ITGB8: variants seen among roughly 807,000 people sequenced by gnomAD.
ITGB8 encodes integrin beta-8.
ITGB8 carries 30 observed loss-of-function variants against 89.5 expected under a neutral mutation model. That is an observed-to-expected ratio of 0.34 (90% CI 0.25 to 0.45). ITGB8 has a LOEUF of 0.45. ITGB8 is among the 20% of genes least tolerant of loss of function. The probability of loss-of-function intolerance (pLI) is 1.00; values close to 1 mark genes in which losing one functional copy is unlikely to be tolerated. For missense variants in ITGB8, 836 were observed against 933.3 expected, an observed-to-expected ratio of 0.90 and a Z score of 1.36; for synonymous variants, 335 against 320.4, an observed-to-expected ratio of 1.05 and a Z score of -0.49.
intron 9 of ITGB8, among the ~76,000 whole-genome samples, chr7:20,400,673 G>A (rs1431727724): frequency 6.6e-6 from 1 of 152,114 alleles, no homozygotes; most frequent in East Asian, 1.9e-4. Flanking sequence ...ATTGTGTTGT[G>A]CAAAAAGAAG....
chr7:20,395,272 A>G (rs1787023858), intron 8 of ITGB8, among the ~76,000 whole-genome samples: 2 of 152,358 alleles, frequency 1.3e-5, no homozygotes, highest in South Asian at 4.1e-4. Flanking sequence ...TCATCAAGTC[A>G]TAGCTATAGA....
At chr7:20,337,427 T>C (rs1354285886) in intron 1 of ITGB8, among the ~76,000 whole-genome samples, 1 of 152,206 alleles carries the variant, frequency 6.6e-6, no homozygotes, top group Non-Finnish European at 1.5e-5. Context: ...ACAGGCACTA[T>C]ACTGAGTTCT....
chr7:20,362,616 A>G (rs1358400984), intron 1 of ITGB8, among the ~76,000 whole-genome samples: 1 of 152,136 alleles, frequency 6.6e-6, no homozygotes. Flanking sequence ...CTGTTTGCTT[A>G]TATATGTCTC....
intron 10 of ITGB8, 87 bp from the exon 11 acceptor site, chr7:20,404,541 T>G: frequency 3.6e-6 from 4 of 1,105,132 alleles, no homozygotes; most frequent in Non-Finnish European, 4.0e-6. Context: ...TGCGTTTCCA[T>G]GGAGATGATA....
rs538143781 is a variant in ITGB8 at position 20,332,532 on chromosome 7, A to C, written c.127+599A>C. Among the ~76,000 whole-genome samples the C allele has an allele frequency of 2.0e-5, 3 of 152,310 alleles. No individual in the cohort carries two copies. The East Asian group carries it at 5.8e-4, about 29-fold the overall frequency. Reference sequence around the variant, plus strand: ...ACTATCTAATTGATCCCTCACTGAGATCAATCTCTGAGACAGAGAAGCAGA... The same window carrying C: ...ACTATCTAATTGATCCCTCACTGAGCTCAATCTCTGAGACAGAGAAGCAGA... On this transcript the variant is annotated intron_variant, in intron 1 of 13. Transcript: ENST00000222573.
At chr7:20,379,339 C>A in intron 4 of ITGB8, 42 bp downstream of exon 4, 1 of 1,332,504 alleles carries the variant, frequency 7.5e-7, no homozygotes, top group Non-Finnish European at 1.0e-6. Flanking sequence ...TAATTTTTTG[C>A]TTATAAAATC....
chr7:20,363,979 T>C (rs1016140578), intron 2 of ITGB8, among the ~76,000 whole-genome samples: 2 of 152,330 alleles, frequency 1.3e-5, no homozygotes, highest in Admixed American at 6.5e-5. Flanking sequence ...ATGTGTTCTA[T>C]AGAGAGAATT....
At chr7:20,359,884 GT>G (rs1253974177) in intron 1 of ITGB8, among the ~76,000 whole-genome samples, 1 of 152,194 alleles carries the variant, frequency 6.6e-6, no homozygotes, top group Non-Finnish European at 1.5e-5. Context: ...CTTCTGTGAA[GT>G]ATAACCATGA....
chr7:20,403,417 A>G (rs970708135), intron 10 of ITGB8, among the ~76,000 whole-genome samples: 4 of 152,234 alleles, frequency 2.6e-5, no homozygotes, highest in Admixed American at 6.5e-5. Context: ...TAGCTTTTCT[A>G]TATGAGTATG....
Position 20,331,882 on chromosome 7 carries a change from T to C in ITGB8, c.76T>C (p.Phe26Leu). The C allele has an allele frequency of 6.2e-7, 1 of 1,614,156 alleles. No homozygotes were observed. The highest frequency in any genetic ancestry group is 8.5e-7 in the Non-Finnish European group (1 of 1,180,040). The change falls in exon 1 of 14, where the codon TTC (phenylalanine) becomes CTC (leucine). Residue 26 changes from phenylalanine to leucine, a missense_variant. Physicochemically the swap from Phe to Leu is conservative, Grantham distance 22. Coordinates refer to ENST00000222573, the MANE Select transcript of ITGB8 (RefSeq NM_002214.3). Reference sequence around the variant, plus strand: ...AAACGACCGGCGAGGTCCCGCCTCGTTCCTCTGGGCAGCCTGGGTGTTTTC... The same window carrying C: ...AAACGACCGGCGAGGTCCCGCCTCGCTCCTCTGGGCAGCCTGGGTGTTTTC... ...LQNDRRGPAS[F>L]LWAAWVFSLV...
At chr7:20,373,950 C>T (rs1388341817) in intron 3 of ITGB8, among the ~76,000 whole-genome samples, 2 of 152,124 alleles carry the variant, frequency 1.3e-5, no homozygotes, top group African/African-American at 4.8e-5. Context: ...TCTTTGTATT[C>T]AAACCAATCA....
chr7:20,401,226 G>A (rs142894011), intron 9 of ITGB8, among the ~76,000 whole-genome samples: 4,824 of 152,132 alleles, frequency 0.032, 108 homozygotes, highest in Middle Eastern at 0.048. Context: ...TGATCCAACC[G>A]CCTAAGCCTC....
At chr7:20,348,730 A>C (rs1785010815) in intron 1 of ITGB8, among the ~76,000 whole-genome samples, 1 of 152,204 alleles carries the variant, frequency 6.6e-6, no homozygotes, top group Non-Finnish European at 1.5e-5. Context: ...GGGAGCATAT[A>C]AATAAGAGCT....
chr7:20,379,962 A>G (rs552246976), intron 4 of ITGB8: 1 of 152,342 alleles, frequency 6.6e-6, no homozygotes, highest in East Asian at 1.9e-4. Context: ...TTTTCAGAAA[A>G]ATAAATCTGT....
chr7:20,402,265 A>C lies in ITGB8; in HGVS notation c.1687+139A>C, dbSNP rs527305351. On this transcript the variant is annotated intron_variant, in intron 10 of 13. Coordinates refer to ENST00000222573, the MANE Select transcript of ITGB8 (RefSeq NM_002214.3). The stretch of plus-strand genomic sequence containing the variant: ...TATTCAAAGTTTCAAAGTCCATGAA[A>C]TTAGGGCATGGCAACAGATTTATAG... 5.0e-4 allele frequency: 352 copies of C among 702,622 alleles called. 1 individual carries two copies. Among genetic ancestry groups the C allele is most frequent in the Non-Finnish European group, 7.0e-4 (314 of 447,570 alleles). The allele number at this position is 702,622 out of a possible 1,614,324, so 43.5% of individuals were successfully genotyped here. A position where few individuals can be genotyped will look rare whatever the true frequency, so the allele number is the denominator to read the frequency against.
chr7:20,374,223 G>A (rs575526276), intron 3 of ITGB8, among the ~76,000 whole-genome samples: 2 of 152,058 alleles, frequency 1.3e-5, no homozygotes, highest in African/African-American at 4.8e-5. Context: ...TCTAGACGCT[G>A]GCTTCTTTCT....
chr7:20,414,978 C>T lies in ITGB8; in HGVS notation c.*4981C>T, dbSNP rs976533310. Reference sequence around the variant, plus strand: ...CTACTTCAGTTAAAATTGTCTAATACAGCAATATTTAAAAAAAAAACACTG... The same window carrying T: ...CTACTTCAGTTAAAATTGTCTAATATAGCAATATTTAAAAAAAAAACACTG... On this transcript the variant is annotated 3_prime_UTR_variant, in exon 14 of 14. Transcript: ENST00000222573. 5.8e-5 allele frequency: 6 copies of T among 102,596 alleles called. No homozygotes were observed. The highest frequency in any genetic ancestry group is 2.2e-4 in the African/African-American group (6 of 27,158). 6.4% of individuals were successfully genotyped at this position (102,596 alleles called of 1,614,324 possible).
At chr7:20,360,115 A>G (rs956519300) in intron 1 of ITGB8, among the ~76,000 whole-genome samples, 1 of 152,192 alleles carries the variant, frequency 6.6e-6, no homozygotes, top group Non-Finnish European at 1.5e-5. Context: ...GGTGTCTGAA[A>G]TATGAGATTA....
At chr7:20,337,504 C>T (rs185432575) in intron 1 of ITGB8, among the ~76,000 whole-genome samples, 2 of 152,294 alleles carry the variant, frequency 1.3e-5, no homozygotes, top group Non-Finnish European at 2.9e-5. Context: ...CCCTCCTGGA[C>T]ACATTATTTG....
Sources: allele counts gnomAD v4.1 joint callset (sites outside exome capture counted in the v4.1 genomes callset), GRCh38; gene constraint gnomAD v4.1.1; transcripts MANE v1.5; gene names NCBI Gene and HGNC (gene_info 2026-07-23, HGNC 2026-07-21).